The following KLRF2 variants were observed in gnomAD, a reference collection of about 807,000 sequenced individuals.
The protein encoded by KLRF2 is killer cell lectin-like receptor subfamily F member 2.
KLRF2 carries 28 observed loss-of-function variants against 25.3 expected under a neutral mutation model. The observed-to-expected ratio is 1.11, with a 90% confidence interval of 0.82 to 1.52. The LOEUF (loss-of-function observed/expected upper bound fraction) is 1.52, where lower values mean the gene tolerates loss of function less well. Among genes scored for constraint, KLRF2 ranks in the 40% most tolerant of loss-of-function variants. The pLI, the probability that KLRF2 is intolerant of heterozygous loss-of-function variation, is 0.00. For synonymous variants in KLRF2, 73 were observed against 85.0 expected, an observed-to-expected ratio of 0.86 and a Z score of 0.78; for missense variants, 265 against 245.8, an observed-to-expected ratio of 1.08 and a Z score of -0.52.
At chr12:9,891,840 G>C (rs1461592501) in intron 3 of KLRF2, among the ~76,000 whole-genome samples, 2 of 152,052 alleles carry the variant, frequency 1.3e-5, no homozygotes, top group Non-Finnish European at 2.9e-5. Context: ...TGGACATATA[G>C]TTTAATTTCT....
chr12:9,883,188 A>G (rs951664529), intron 1 of KLRF2, among the ~76,000 whole-genome samples: 1 of 152,238 alleles, frequency 6.6e-6, no homozygotes, highest in African/African-American at 2.4e-5. Flanking sequence ...CACATTGTGT[A>G]TAAGATAAAG....
intron 1 of KLRF2, 151 bp from the exon 2 acceptor site, chr12:9,884,783 G>A (rs961203160): frequency 2.8e-5 from 10 of 354,378 alleles, no homozygotes; most frequent in Non-Finnish European, 4.5e-5. Context: ...CTTGGTTTGG[G>A]ATTCTAGACT....
At position 9,888,802 on chromosome 12, in the gene KLRF2, A is replaced by G. The variant is rs909647948; in HGVS notation, c.217+22A>G. 9 of 1,422,584 alleles carry G rather than the reference A, an allele frequency of 6.3e-6. No homozygotes were observed. In the Admixed American group the frequency reaches 1.4e-4, roughly 22 times the overall value. The allele number at this position is 1,422,584 out of a possible 1,614,324, so 88.1% of individuals were successfully genotyped here. A position where few individuals can be genotyped will look rare whatever the true frequency, so the allele number is the denominator to read the frequency against. The stretch of plus-strand genomic sequence containing the variant: ...TCAGGTAATACTCTTTTTGTTTGTT[A>G]TGTGCTACTCTTAGGGGTAAATTTA... On this transcript the variant is annotated intron_variant, in intron 3 of 5. Coordinates refer to ENST00000535540, the MANE Select transcript of KLRF2 (RefSeq NM_001190765.1).
intron 4 of KLRF2, 64 bp from the exon 5 acceptor site, chr12:9,893,365 A>G (rs1483377131): frequency 1.2e-6 from 1 of 853,706 alleles, no homozygotes; most frequent in South Asian, 1.8e-5. Context: ...AGAGACTTAC[A>G]CTATAGAAGG....
At chr12:9,884,281 T>A (rs17806592) in intron 1 of KLRF2, among the ~76,000 whole-genome samples, 7 of 151,980 alleles carry the variant, frequency 4.6e-5, no homozygotes, top group African/African-American at 1.7e-4. Flanking sequence ...TACTATAGCA[T>A]AGATGTCATA....
chr12:9,881,685 T>C lies in KLRF2; in HGVS notation c.70+20T>C, dbSNP rs938725487. The stretch of plus-strand genomic sequence containing the variant: ...CTAAAGGTAGGAATACTGCTCCCCA[T>C]CACCGCATTTAAAATTTCATTATTC... On this transcript the variant is annotated intron_variant, in intron 1 of 5. Coordinates refer to ENST00000535540, the MANE Select transcript of KLRF2 (RefSeq NM_001190765.1). 3.1e-5 allele frequency: 46 copies of C among 1,504,362 alleles called. No individual in the cohort carries two copies. Among genetic ancestry groups the C allele is most frequent in the Non-Finnish European group, 1.1e-5 (12 of 1,119,068 alleles). 93.2% of individuals were successfully genotyped at this position (1,504,362 alleles called of 1,614,324 possible).
At chr12:9,882,631 A>T (rs1197350889) in intron 1 of KLRF2, among the ~76,000 whole-genome samples, 1 of 152,088 alleles carries the variant, frequency 6.6e-6, no homozygotes, top group African/African-American at 2.4e-5. Context: ...TACAAAAAAA[A>T]TTAGCTGGGT....
chr12:9,881,768 G>A, intron 1 of KLRF2, 103 bp downstream of exon 1: 1 of 840,006 alleles, frequency 1.2e-6, no homozygotes, highest in Non-Finnish European at 1.9e-6. Context: ...ATCATAATAA[G>A]GAATATAAAA....
chr12:9,890,219 C>A (rs920121689), intron 3 of KLRF2, among the ~76,000 whole-genome samples: 7 of 152,174 alleles, frequency 4.6e-5, no homozygotes, highest in African/African-American at 1.7e-4. Context: ...ATAACTCCTG[C>A]ATTTGTTTTT....
intron 1 of KLRF2, among the ~76,000 whole-genome samples, chr12:9,881,932 G>A (rs1465330175): frequency 6.6e-6 from 1 of 151,948 alleles, no homozygotes; most frequent in African/African-American, 2.4e-5. Flanking sequence ...CGAAGAAAAG[G>A]CTGAAAAATT....
chr12:9,882,294 T>G (rs1273853116), intron 1 of KLRF2, among the ~76,000 whole-genome samples: 1 of 152,192 alleles, frequency 6.6e-6, no homozygotes, highest in East Asian at 1.9e-4. Context: ...TTGAACATTC[T>G]CGTGTACAAT....
intron 5 of KLRF2, among the ~76,000 whole-genome samples, chr12:9,895,465 A>C (rs1291364732): frequency 1.3e-5 from 2 of 152,210 alleles, no homozygotes; most frequent in Non-Finnish European, 2.9e-5. Context: ...AGAGGTAAGG[A>C]AGAAGCTGGG....
chr12:9,884,185 A>T (rs1013362238), intron 1 of KLRF2, among the ~76,000 whole-genome samples: 6 of 152,128 alleles, frequency 3.9e-5, no homozygotes, highest in Non-Finnish European at 7.4e-5. Context: ...GAGGATTATT[A>T]TACATGCCCC....
intron 5 of KLRF2, among the ~76,000 whole-genome samples, chr12:9,894,882 A>C (rs1421915994): frequency 6.6e-6 from 1 of 152,002 alleles, no homozygotes; most frequent in African/African-American, 2.4e-5. Flanking sequence ...ACTTTTTTGG[A>C]AACCAGCATT....
intron 1 of KLRF2, among the ~76,000 whole-genome samples, chr12:9,881,998 G>A (rs149215535): frequency 6.7e-4 from 102 of 151,548 alleles, no homozygotes; most frequent in African/African-American, 2.3e-3. Flanking sequence ...AACTTAAAGC[G>A]TATATATATG....
chr12:9,891,232 T>C (rs1250977930), intron 3 of KLRF2, among the ~76,000 whole-genome samples: 1 of 150,314 alleles, frequency 6.7e-6, no homozygotes, highest in African/African-American at 2.4e-5. Flanking sequence ...TATATGTGTA[T>C]GTTGTTATTA....
intron 1 of KLRF2, among the ~76,000 whole-genome samples, chr12:9,882,986 A>C (rs1287090839): frequency 6.6e-6 from 1 of 152,188 alleles, no homozygotes; most frequent in Non-Finnish European, 1.5e-5. Flanking sequence ...GTGTACAGAG[A>C]CTTAAAATCT....
intron 3 of KLRF2, 58 bp downstream of exon 3, chr12:9,888,838 C>T (rs1862638165): frequency 1.9e-6 from 2 of 1,062,870 alleles, no homozygotes; most frequent in African/African-American, 3.1e-5. Context: ...GTTTTGGCTT[C>T]CCTCTTCCTG....
At chr12:9,891,103 T>A (rs1397615038) in intron 3 of KLRF2, among the ~76,000 whole-genome samples, 1 of 152,058 alleles carries the variant, frequency 6.6e-6, no homozygotes, top group Non-Finnish European at 1.5e-5. Flanking sequence ...TGGGCACAAT[T>A]TCTCATATTC....
Sources: allele counts gnomAD v4.1 joint callset (sites outside exome capture counted in the v4.1 genomes callset), GRCh38; gene constraint gnomAD v4.1.1; transcripts MANE v1.5; gene names NCBI Gene and HGNC (gene_info 2026-07-23, HGNC 2026-07-21).